RBM19: variants seen among roughly 807,000 people sequenced by gnomAD.
The protein encoded by RBM19 is RNA binding motif protein 19, also known as probable RNA-binding protein 19.
Under a neutral mutation model 116.8 loss-of-function variants are expected in RBM19, and 94 were observed. The ratio of observed to expected loss-of-function variants is 0.80; its 90% CI spans 0.68 to 0.95. The LOEUF is 0.95. RBM19 is among the 40% of genes least tolerant of loss of function. The pLI is 0.00. For missense variants in RBM19, 1,161 were observed against 1,220.7 expected, an observed-to-expected ratio of 0.95 and a Z score of 0.73; for synonymous variants, 475 against 494.1, an observed-to-expected ratio of 0.96 and a Z score of 0.51.
At chr12:113,965,086 C>A (rs1240267311) in intron 1 of RBM19, among the ~76,000 whole-genome samples, 4 of 151,940 alleles carry the variant, frequency 2.6e-5, no homozygotes, top group Admixed American at 6.6e-5. Context: ...ACTTGTCCAA[C>A]ATGGCGAAAC....
chr12:113,957,325 C>T (rs1872028800), intron 6 of RBM19, among the ~76,000 whole-genome samples: 1 of 152,184 alleles, frequency 6.6e-6, no homozygotes, highest in African/African-American at 2.4e-5. Flanking sequence ...CCTATAATCC[C>T]AGCACTTTGG....
intron 14 of RBM19, 124 bp from the exon 15 acceptor site, chr12:113,940,284 T>G: frequency 3.0e-6 from 3 of 1,013,894 alleles, no homozygotes; most frequent in South Asian, 1.5e-5. Flanking sequence ...AACCAGGCAC[T>G]TAGGAGGAAG....
intron 23 of RBM19, among the ~76,000 whole-genome samples, chr12:113,824,805 A>G (rs531715686): frequency 6.6e-6 from 1 of 152,018 alleles, no homozygotes; most frequent in African/African-American, 2.4e-5. Flanking sequence ...GTTTCTCATC[A>G]TCTCCACGGC....
intron 22 of RBM19, among the ~76,000 whole-genome samples, chr12:113,855,063 C>G (rs1877784972): frequency 6.6e-6 from 1 of 152,340 alleles, no homozygotes; most frequent in East Asian, 1.9e-4. Context: ...CCAAAAAGGG[C>G]TTGATAGATA....
rs577553480 is a variant in RBM19 at position 113,835,034 on chromosome 12, G to A, written c.2785+9634C>T. ...TACATGATTGCCTTTTCAGACCAGC[G>A]GTGCTTCGAAGCACCCAGTCAGGAA... is the stretch of plus-strand genomic sequence containing the variant. On this transcript the variant is annotated intron_variant, in intron 23 of 23. Transcript: ENST00000261741. 7.2e-5 allele frequency among the ~76,000 whole-genome samples: 11 copies of A among 152,016 alleles called. No individual in the cohort carries two copies. In the East Asian group the frequency reaches 1.4e-3, roughly 19 times the overall value.
intron 9 of RBM19, 27 bp downstream of exon 9, chr12:113,950,056 G>A (rs747404176): frequency 1.3e-6 from 2 of 1,556,068 alleles, no homozygotes; most frequent in South Asian, 2.2e-5. Flanking sequence ...GTAACACAGA[G>A]AGAGCACATG....
At chr12:113,846,570 G>A (rs183241205) in intron 22 of RBM19, among the ~76,000 whole-genome samples, 7 of 152,288 alleles carry the variant, frequency 4.6e-5, no homozygotes, top group Admixed American at 3.9e-4. Flanking sequence ...CAGAGACTGG[G>A]TGATGAGTCT....
chr12:113,857,904 C>T (rs376602888), intron 22 of RBM19, among the ~76,000 whole-genome samples: 2 of 152,210 alleles, frequency 1.3e-5, no homozygotes, highest in South Asian at 2.1e-4. Context: ...AGGAGCAGCT[C>T]GTCAGAGGTG....
At chr12:113,937,413 C>A (rs1870167268) in intron 15 of RBM19, among the ~76,000 whole-genome samples, 2 of 152,140 alleles carry the variant, frequency 1.3e-5, no homozygotes, top group South Asian at 4.1e-4. Context: ...GTGTTTTTTC[C>A]AATCAGAGTA....
chr12:113,871,200 C>G (rs1472772805), intron 21 of RBM19, among the ~76,000 whole-genome samples: 1 of 152,216 alleles, frequency 6.6e-6, no homozygotes, highest in African/African-American at 2.4e-5. Context: ...GAAAAGAGCC[C>G]CTGGCAAACA....
At chr12:113,836,246 G>A (rs1875873865) in intron 23 of RBM19, among the ~76,000 whole-genome samples, 1 of 152,152 alleles carries the variant, frequency 6.6e-6, no homozygotes, top group Admixed American at 6.5e-5. Context: ...AGTGGGCAGG[G>A]GCAGGAAGAG....
At chr12:113,952,135 G>C (rs1490818127) in intron 8 of RBM19, among the ~76,000 whole-genome samples, 1 of 152,004 alleles carries the variant, frequency 6.6e-6, no homozygotes. Context: ...GTGGCACGGG[G>C]CAACACCACA....
intron 16 of RBM19, 70 bp downstream of exon 16, chr12:113,936,937 G>T (rs1870123134): frequency 3.2e-6 from 5 of 1,551,664 alleles, no homozygotes; most frequent in Admixed American, 2.0e-5. Context: ...GAAACTTCAC[G>T]CTGCCCCCAA....
At chr12:113,919,354 G>A (rs1180969243) in intron 19 of RBM19, among the ~76,000 whole-genome samples, 3 of 152,182 alleles carry the variant, frequency 2.0e-5, no homozygotes, top group Non-Finnish European at 2.9e-5. Context: ...GGCGGATCAC[G>A]GGGTCAGGAG....
chr12:113,892,055 G>A (rs1880998969), intron 21 of RBM19, among the ~76,000 whole-genome samples: 1 of 152,098 alleles, frequency 6.6e-6, no homozygotes, highest in Non-Finnish European at 1.5e-5. Context: ...GGATCAGCCC[G>A]GTGTAACTTA....
chr12:113,952,550 G>A lies in RBM19; in HGVS notation c.962C>T (p.Ala321Val). ...MEFLAPLKPV[A>V]IRIVRNAHGN... ...ATGAGCGTTTCTCACAATTCGAATG[G>A]CCACTGGTTTCAGGGGTGCCAGGAA... Residue 321 changes from alanine to valine, a missense_variant, in exon 8 of 24, where the codon GCC becomes GTC. Transcript: ENST00000261741. 1 of 1,613,832 alleles carries A rather than the reference G, an allele frequency of 6.2e-7. No homozygotes were observed. The highest frequency in any genetic ancestry group is 8.5e-7 in the Non-Finnish European group (1 of 1,179,844).
At chr12:113,865,444 TTCCTC>T (rs1042597020) in intron 21 of RBM19, among the ~76,000 whole-genome samples, 2 of 152,194 alleles carry the variant, frequency 1.3e-5, no homozygotes, top group Admixed American at 6.5e-5. Context: ...TTATTTATCT[TTCCTC>T]TCATTTTGCT....
chr12:113,892,907 A>T (rs1470107935), intron 21 of RBM19, among the ~76,000 whole-genome samples: 1 of 152,152 alleles, frequency 6.6e-6, no homozygotes, highest in Non-Finnish European at 1.5e-5. Flanking sequence ...GGGAGGAAAT[A>T]AAAAGTGCCT....
chr12:113,827,654 C>T (rs1423732141), intron 23 of RBM19, among the ~76,000 whole-genome samples: 4 of 151,990 alleles, frequency 2.6e-5, no homozygotes, highest in African/African-American at 4.8e-5. Context: ...CTGAAAGGAA[C>T]CCTGGGATGA....
Sources: gnomAD v4.1 joint callset for allele counts (sites outside exome capture counted in the v4.1 genomes callset) on GRCh38, gnomAD v4.1.1 for gene constraint, MANE v1.5 for transcripts, NCBI Gene and HGNC (gene_info 2026-07-23, HGNC 2026-07-21) for gene names.